Variants in TRPC7 observed in about 807,000 individuals in gnomAD.
TRPC7 encodes transient receptor potential cation channel subfamily C member 7, also known as short transient receptor potential channel 7.
In TRPC7, 42 loss-of-function variants were observed where a neutral mutation model predicts 90.1. That is an observed-to-expected ratio of 0.47 (90% CI 0.36 to 0.60). TRPC7 has a LOEUF of 0.60. Ranked by LOEUF, TRPC7 falls within the 20% of genes least tolerant of loss-of-function variation. TRPC7 has a pLI of 0.00. For missense variants in TRPC7, 955 were observed against 1,112.3 expected (o/e 0.86, Z 2.01); for synonymous variants, 451 against 436.3 (o/e 1.03, Z -0.42).
chr5:136,247,689 C>T lies in TRPC7; in HGVS notation c.1626G>A (p.Gly542=), dbSNP rs546588474. ...WPSDPQIISE[G]LYAIAVVLSF... ...TCAGCACGACGGCTATCGCGTAGAGCCCTTCCGATATGATCTGAGGGTCTG... is the reference window on the plus strand; with the variant it reads ...TCAGCACGACGGCTATCGCGTAGAGTCCTTCCGATATGATCTGAGGGTCTG... The change falls in exon 7 of 12, where the codon GGG becomes GGA. Residue 542 remains glycine, a synonymous_variant. Transcript: ENST00000513104. The surrounding 1 kb of genome is among the most constrained non-coding windows in gnomAD (Gnocchi z 4.2). 7 of 1,613,978 alleles carry T rather than the reference C, an allele frequency of 4.3e-6. No homozygotes were observed. The Admixed American group carries it at 1.0e-4, about 23-fold the overall frequency.
chr5:136,259,120 C>G (rs1756775230), intron 5 of TRPC7, among the ~76,000 whole-genome samples: 1 of 152,248 alleles, frequency 6.6e-6, no homozygotes, highest in Non-Finnish European at 1.5e-5. Context: ...TGAGTACCTT[C>G]TAGGTGCCAG....
intron 3 of TRPC7, among the ~76,000 whole-genome samples, chr5:136,291,735 A>C (rs1339336521): frequency 1.3e-5 from 2 of 152,236 alleles, no homozygotes; most frequent in Non-Finnish European, 2.9e-5. Context: ...CAGATCAACG[A>C]GACAGAAAGT....
intron 2 of TRPC7, among the ~76,000 whole-genome samples, chr5:136,329,954 T>A (rs1017624686): frequency 6.6e-6 from 1 of 152,118 alleles, no homozygotes; most frequent in African/African-American, 2.4e-5. Context: ...CCCAGCATTC[T>A]CTGTTTTCTC....
chr5:136,305,029 T>G (rs994609910), intron 3 of TRPC7, among the ~76,000 whole-genome samples: 9 of 152,290 alleles, frequency 5.9e-5, no homozygotes, highest in South Asian at 2.1e-4. Context: ...ACTCTCTACA[T>G]TTCTCATAAC....
At chr5:136,359,989 G>A (rs1410295126) in intron 1 of TRPC7, among the ~76,000 whole-genome samples, 4 of 152,132 alleles carry the variant, frequency 2.6e-5, no homozygotes, top group Admixed American at 1.3e-4. Context: ...GCAGCTGTCC[G>A]AGAAGAAGCT....
At chr5:136,323,791 A>G (rs771677254) in intron 2 of TRPC7, among the ~76,000 whole-genome samples, 1 of 152,064 alleles carries the variant, frequency 6.6e-6, no homozygotes, top group South Asian at 2.1e-4. Context: ...TCTTTTTCAA[A>G]TTATCTTGGC....
chr5:136,280,126 C>T (rs1478090797), intron 3 of TRPC7, among the ~76,000 whole-genome samples: 2 of 152,192 alleles, frequency 1.3e-5, no homozygotes, highest in Admixed American at 6.5e-5. Context: ...CACCACTGCT[C>T]TCCAACCTGG....
intron 2 of TRPC7, among the ~76,000 whole-genome samples, chr5:136,349,288 C>T (rs1178631022): frequency 2.0e-5 from 3 of 152,146 alleles, no homozygotes; most frequent in South Asian, 2.1e-4. Flanking sequence ...GGAGCTCACA[C>T]GTACAGCCTA....
chr5:136,237,065 C>G (rs898881710), intron 7 of TRPC7, among the ~76,000 whole-genome samples: 1 of 152,158 alleles, frequency 6.6e-6, no homozygotes, highest in South Asian at 2.1e-4. Flanking sequence ...AAGATCTTCT[C>G]AGAGGCTGTG....
chr5:136,251,779 C>A lies in TRPC7; in HGVS notation c.1449G>T (p.Val483=), dbSNP rs1162376332. The change falls in exon 6 of 12, where the codon GTG becomes GTT. Residue 483 remains valine, a synonymous_variant. Transcript: ENST00000513104. ...LLDFGMLSIF[V]ASFTARFMAF... The stretch of plus-strand genomic sequence containing the variant: ...CCATGAAGCGTGCTGTGAAGGAGGC[C>A]ACGAAGATGGACAGCATCCCGAAAT... The A allele has an allele frequency of 6.2e-7, 1 of 1,613,968 alleles. No homozygotes were observed. Among genetic ancestry groups the A allele is most frequent in the Non-Finnish European group, 8.5e-7 (1 of 1,179,876 alleles).
intron 4 of TRPC7, among the ~76,000 whole-genome samples, chr5:136,267,649 G>C (rs908902594): frequency 2.0e-5 from 3 of 152,148 alleles, no homozygotes; most frequent in Non-Finnish European, 2.9e-5. Flanking sequence ...ATGTGCTTCA[G>C]TATGTTAATC....
At chr5:136,344,585 T>C (rs1260245409) in intron 2 of TRPC7, among the ~76,000 whole-genome samples, 1 of 152,204 alleles carries the variant, frequency 6.6e-6, no homozygotes, top group Non-Finnish European at 1.5e-5. Flanking sequence ...ACATTTCTCA[T>C]ACTGGCAAAC....
At chr5:136,220,269 C>T (rs1487407078) in intron 10 of TRPC7, among the ~76,000 whole-genome samples, 13 of 152,160 alleles carry the variant, frequency 8.5e-5, no homozygotes, top group Admixed American at 7.2e-4. Flanking sequence ...CCTGCGTGGT[C>T]GGGCAGAATA....
intron 2 of TRPC7, among the ~76,000 whole-genome samples, chr5:136,335,184 A>G (rs1759614757): frequency 6.6e-6 from 1 of 152,178 alleles, no homozygotes; most frequent in Non-Finnish European, 1.5e-5. Context: ...CTATCTGCTG[A>G]CAATTCCCAG....
chr5:136,289,412 G>T (rs1335460563), intron 3 of TRPC7, among the ~76,000 whole-genome samples: 1 of 152,268 alleles, frequency 6.6e-6, no homozygotes, highest in African/African-American at 2.4e-5. Context: ...AGGGGTGACA[G>T]ATGGCACCTG....
intron 2 of TRPC7, among the ~76,000 whole-genome samples, chr5:136,325,467 C>T (rs1357818759): frequency 1.3e-5 from 2 of 152,228 alleles, no homozygotes; most frequent in Admixed American, 6.5e-5. Context: ...CTCCCTCCTC[C>T]TTATAGGAGA....
chr5:136,227,571 G>A (rs751673685), intron 8 of TRPC7, among the ~76,000 whole-genome samples: 5 of 152,140 alleles, frequency 3.3e-5, no homozygotes, highest in Non-Finnish European at 5.9e-5. Context: ...ACTGGTCCTG[G>A]TCTACTTGGG....
chr5:136,339,124 C>G (rs1759760134), intron 2 of TRPC7, among the ~76,000 whole-genome samples: 1 of 152,064 alleles, frequency 6.6e-6, no homozygotes, highest in African/African-American at 2.4e-5. Context: ...TTGATAACTA[C>G]CTGAAGGAGA....
At chr5:136,268,746 A>G (rs972370529) in intron 4 of TRPC7, among the ~76,000 whole-genome samples, 7 of 152,216 alleles carry the variant, frequency 4.6e-5, no homozygotes, top group African/African-American at 1.7e-4. Context: ...TGGTGATTTG[A>G]TGGAAAGTTA....
Sources: allele counts gnomAD v4.1 joint callset (sites outside exome capture counted in the v4.1 genomes callset), GRCh38; gene constraint gnomAD v4.1.1; non-coding constraint Gnocchi (gnomAD v3.1); transcripts MANE v1.5; gene names NCBI Gene and HGNC (gene_info 2026-07-23, HGNC 2026-07-21).